The following PFKFB1 variants were observed in gnomAD, a reference collection of about 807,000 sequenced individuals.
The protein encoded by PFKFB1 is 6-phosphofructo-2-kinase/fructose-2,6-bisphosphatase 1.
Under a neutral mutation model 46.4 loss-of-function variants are expected in PFKFB1, and 34 were observed. The ratio of observed to expected loss-of-function variants is 0.73; its 90% CI spans 0.56 to 0.98. The LOEUF (loss-of-function observed/expected upper bound fraction) is 0.98, where lower values mean the gene tolerates loss of function less well. Ranked by LOEUF, PFKFB1 falls within the 50% of genes least tolerant of loss-of-function variation. PFKFB1 has a pLI of 0.00. For synonymous variants in PFKFB1, 119 were observed against 133.8 expected (o/e 0.89, Z 0.76); for missense variants, 393 against 376.3 (o/e 1.04, Z -0.37).
At chrX:54,944,619 G>C (rs1933748486) in intron 10 of PFKFB1, among the ~76,000 whole-genome samples, 1 of 111,659 alleles carries the variant, frequency 9.0e-6, no homozygotes, top group Non-Finnish European at 1.9e-5. Flanking sequence ...TAGGCAAAAA[G>C]GATTATCGAG....
Position 54,958,299 on chromosome X carries a change from T to C in PFKFB1, c.516+7A>G. The C allele has an allele frequency of 1.7e-6, 2 of 1,158,417 alleles. No homozygotes were observed. Among genetic ancestry groups the C allele is most frequent in the Non-Finnish European group, 2.4e-6 (2 of 847,940 alleles). On this transcript the variant is annotated splice_region_variant and intron_variant, in intron 6 of 13. Coordinates refer to ENST00000375006, the MANE Select transcript of PFKFB1 (RefSeq NM_002625.4). ...AGCAAAGTGGAAAAGTAACTGGTGG[T>C]CCTTACCCTGATGTTTTCTGCAATT...
chrX:54,970,208 C>A (rs930444473), intron 1 of PFKFB1, among the ~76,000 whole-genome samples: 1 of 111,301 alleles, frequency 9.0e-6, no homozygotes, highest in Non-Finnish European at 1.9e-5. Flanking sequence ...TGCAGCCGGC[C>A]CAAAATCTAT....
chrX:54,998,421 T>A, upstream of PFKFB1: 1 of 1,152,214 alleles, frequency 8.7e-7, no homozygotes, highest in South Asian at 1.9e-5. Context: ...ATTCTAGAGG[T>A]TTTTTCTTCC....
intron 3 of PFKFB1, among the ~76,000 whole-genome samples, chrX:54,960,315 A>C (rs1270885163): frequency 2.7e-5 from 3 of 112,653 alleles, no homozygotes; most frequent in Non-Finnish European, 3.7e-5. Flanking sequence ...TGCTTTCAGC[A>C]AAAATCTCTT....
intron 1 of PFKFB1, among the ~76,000 whole-genome samples, chrX:54,973,901 A>C (rs1934759652): frequency 2.7e-5 from 3 of 111,584 alleles, no homozygotes; most frequent in African/African-American, 9.8e-5. Flanking sequence ...CAAAATCTTT[A>C]GGTATAACAC....
upstream of PFKFB1, chrX:54,994,640 C>A (rs893412476): frequency 8.0e-6 from 6 of 754,124 alleles, 1 homozygote; most frequent in South Asian, 2.0e-4. Context: ...GAGGCCCAAA[C>A]TGGACATGGA....
intron 8 of PFKFB1, among the ~76,000 whole-genome samples, chrX:54,951,441 G>A (rs1394764609): frequency 3.6e-5 from 4 of 112,116 alleles, no homozygotes; most frequent in African/African-American, 9.7e-5. Flanking sequence ...TGACACCTGC[G>A]TTGGGATAAG....
chrX:54,963,419 G>A (rs776563039), intron 1 of PFKFB1, 37 bp from the exon 2 acceptor site: 2 of 1,192,380 alleles, frequency 1.7e-6, no homozygotes, highest in Non-Finnish European at 1.1e-6. Flanking sequence ...CTTATCCTCA[G>A]ATTCATAGGC....
intron 7 of PFKFB1, among the ~76,000 whole-genome samples, chrX:54,955,140 C>T (rs1490590593): frequency 8.9e-6 from 1 of 112,020 alleles, no homozygotes; most frequent in Non-Finnish European, 1.9e-5. Flanking sequence ...GTACAATGAA[C>T]AATCTGCACA....
intron 7 of PFKFB1, among the ~76,000 whole-genome samples, chrX:54,952,813 C>T (rs1014383772): frequency 1.8e-5 from 2 of 110,055 alleles, no homozygotes; most frequent in Non-Finnish European, 3.8e-5. Flanking sequence ...GGAACAAATA[C>T]TTGGAAACAC....
intron 9 of PFKFB1, among the ~76,000 whole-genome samples, chrX:54,947,304 T>A (rs1006955941): frequency 8.9e-6 from 1 of 111,744 alleles, no homozygotes; most frequent in Non-Finnish European, 1.9e-5. Flanking sequence ...TCTCTATTTC[T>A]CTGTTTATTC....
intron 10 of PFKFB1, among the ~76,000 whole-genome samples, chrX:54,938,863 T>C (rs1933505600): frequency 9.0e-6 from 1 of 111,369 alleles, no homozygotes; most frequent in African/African-American, 3.3e-5. Context: ...TATCCAGGAA[T>C]TGAACTCAGC....
At chrX:54,989,632 G>T (rs1383648972) in intron 1 of PFKFB1, among the ~76,000 whole-genome samples, 1 of 112,091 alleles carries the variant, frequency 8.9e-6, no homozygotes, top group African/African-American at 3.2e-5. Flanking sequence ...CTTTTCAAGT[G>T]CTCTTGGAAC....
At chrX:54,945,326 C>G (rs1933767476) in intron 10 of PFKFB1, 113 bp downstream of exon 10, 1 of 428,442 alleles carries the variant, frequency 2.3e-6, no homozygotes, top group Non-Finnish European at 3.9e-6. Flanking sequence ...GCAGCTGCTG[C>G]AAGATATGCT....
chrX:54,941,391 G>A (rs1933626869), intron 10 of PFKFB1, among the ~76,000 whole-genome samples: 1 of 111,946 alleles, frequency 8.9e-6, no homozygotes, highest in Non-Finnish European at 1.9e-5. Flanking sequence ...ACAGACAAAT[G>A]GGATCTAATT....
intron 1 of PFKFB1, among the ~76,000 whole-genome samples, chrX:54,989,474 T>G (rs752362040): frequency 8.1e-5 from 9 of 111,645 alleles, no homozygotes; most frequent in Admixed American, 2.8e-4. Context: ...ACTTTCAAGA[T>G]TGACAGAATT....
intron 2 of PFKFB1, among the ~76,000 whole-genome samples, 186 bp from the exon 3 acceptor site, chrX:54,961,103 C>T (rs759337527): frequency 4.7e-4 from 52 of 111,384 alleles, no homozygotes; most frequent in African/African-American, 1.2e-3. Flanking sequence ...GTAGAGATCA[C>T]TATTACCATT....
intron 7 of PFKFB1, among the ~76,000 whole-genome samples, chrX:54,955,735 T>C (rs904536328): frequency 2.9e-4 from 32 of 112,141 alleles, no homozygotes; most frequent in Non-Finnish European, 7.5e-5. Flanking sequence ...TAAGACTCAA[T>C]TTCTTTTTCT....
chrX:54,970,427 C>A (rs1934619780), intron 1 of PFKFB1, among the ~76,000 whole-genome samples: 1 of 103,955 alleles, frequency 9.6e-6, no homozygotes, highest in Admixed American at 1.0e-4. Flanking sequence ...TGCTGGTGTG[C>A]TGCACCCATT....
Sources: gnomAD v4.1 joint callset for allele counts (sites outside exome capture counted in the v4.1 genomes callset) on GRCh38, gnomAD v4.1.1 for gene constraint, MANE v1.5 for transcripts, NCBI Gene and HGNC (gene_info 2026-07-23, HGNC 2026-07-21) for gene names.